CHODL: variants seen among roughly 807,000 people sequenced by gnomAD.
The protein encoded by CHODL is transmembrane protein MT75.
Under a neutral mutation model 34.5 loss-of-function variants are expected in CHODL, and 29 were observed. That is an observed-to-expected ratio of 0.84 (90% CI 0.63 to 1.15). The LOEUF (loss-of-function observed/expected upper bound fraction) is 1.15, where lower values mean the gene tolerates loss of function less well. CHODL is among the 50% of genes most tolerant of loss of function. CHODL has a pLI of 0.00. For missense variants in CHODL, 332 were observed against 332.5 expected (o/e 1.00, Z 0.01); for synonymous variants, 125 against 116.1 (o/e 1.08, Z -0.49).
intron 1 of CHODL, among the ~76,000 whole-genome samples, chr21:17,927,048 ATATATGTG>A (rs2063230246): frequency 1.3e-5 from 2 of 151,216 alleles, no homozygotes; most frequent in Non-Finnish European, 2.9e-5. Context: ...ATATGTATGC[ATATATGTG>A]TATATGTATG....
intron 2 of CHODL, chr21:18,134,238 C>T: frequency 6.3e-6 from 3 of 473,182 alleles, no homozygotes; most frequent in South Asian, 1.5e-5. Flanking sequence ...TCTAGGTGTG[C>T]ATATGCCTCT....
At chr21:18,253,435 C>G (rs892598901) in intron 1 of CHODL, among the ~76,000 whole-genome samples, 1 of 151,790 alleles carries the variant, frequency 6.6e-6, no homozygotes, top group Non-Finnish European at 1.5e-5. Flanking sequence ...AAAAATCGAA[C>G]AAGTTAAAAA....
At chr21:18,118,796 AG>A (rs2065443994) in intron 2 of CHODL, among the ~76,000 whole-genome samples, 1 of 152,164 alleles carries the variant, frequency 6.6e-6, no homozygotes, top group African/African-American at 2.4e-5. Flanking sequence ...CTGTCTTGAA[AG>A]GGCAGTTACC....
intron 2 of CHODL, among the ~76,000 whole-genome samples, chr21:18,118,117 A>G (rs1410417000): frequency 6.6e-6 from 1 of 152,216 alleles, no homozygotes; most frequent in East Asian, 1.9e-4. Context: ...TTTAAAGTAC[A>G]TTTTAATATT....
chr21:18,146,942 G>A (rs2072897966), intron 2 of CHODL, among the ~76,000 whole-genome samples: 1 of 152,156 alleles, frequency 6.6e-6, no homozygotes, highest in African/African-American at 2.4e-5. Context: ...ACTGTGTTGA[G>A]ATCTTGGAAG....
intron 1 of CHODL, among the ~76,000 whole-genome samples, chr21:17,995,470 A>C (rs1023277783): frequency 2.9e-4 from 44 of 152,252 alleles, no homozygotes; most frequent in South Asian, 2.3e-3. Context: ...CTGTGCTTCA[A>C]GCACTCCCTG....
intron 2 of CHODL, among the ~76,000 whole-genome samples, chr21:18,236,556 G>A (rs1226137459): frequency 5.9e-5 from 9 of 151,964 alleles, no homozygotes; most frequent in Non-Finnish European, 1.3e-4. Context: ...AAGGAAGTAC[G>A]GTCATATGGC....
chr21:18,078,196 A>G (rs1247092112), intron 2 of CHODL, among the ~76,000 whole-genome samples: 1 of 152,158 alleles, frequency 6.6e-6, no homozygotes, highest in East Asian at 1.9e-4. Flanking sequence ...TTTATAAAGG[A>G]AAGAGGGTTG....
At chr21:17,944,401 G>C (rs1246932847) in intron 1 of CHODL, among the ~76,000 whole-genome samples, 6 of 152,114 alleles carry the variant, frequency 3.9e-5, no homozygotes, top group African/African-American at 1.2e-4. Context: ...ATTTTTTGGA[G>C]AAATGTAACA....
intron 2 of CHODL, among the ~76,000 whole-genome samples, chr21:18,085,317 G>T (rs1481819959): frequency 6.6e-6 from 1 of 151,882 alleles, no homozygotes; most frequent in Non-Finnish European, 1.5e-5. Flanking sequence ...CTTTGTTTCT[G>T]TCATATTGCT....
chr21:18,148,257 A>T (rs1055909728), intron 2 of CHODL, among the ~76,000 whole-genome samples: 15 of 152,342 alleles, frequency 9.8e-5, no homozygotes, highest in African/African-American at 3.4e-4. Context: ...CTCACAGCAA[A>T]GATAAACCTT....
At chr21:18,164,009 A>G (rs1487227148) in intron 2 of CHODL, among the ~76,000 whole-genome samples, 1 of 152,210 alleles carries the variant, frequency 6.6e-6, no homozygotes, top group Non-Finnish European at 1.5e-5. Context: ...TCTATTGTCT[A>G]TCTTAAAAGA....
At chr21:17,972,860 G>T (rs2063626975) in intron 1 of CHODL, among the ~76,000 whole-genome samples, 1 of 152,084 alleles carries the variant, frequency 6.6e-6, no homozygotes, top group Non-Finnish European at 1.5e-5. Context: ...AAAGAACAAA[G>T]CTGGAGCCAT....
upstream of CHODL, among the ~76,000 whole-genome samples, chr21:18,241,576 A>G (rs2074082733): frequency 6.6e-6 from 1 of 152,144 alleles, no homozygotes; most frequent in African/African-American, 2.4e-5. Flanking sequence ...AAGCCACTGT[A>G]TGGAGTTGCC....
At chr21:18,235,259 T>A (rs949168441) in intron 2 of CHODL, among the ~76,000 whole-genome samples, 4 of 152,084 alleles carry the variant, frequency 2.6e-5, no homozygotes, top group Non-Finnish European at 5.9e-5. Flanking sequence ...AGCAGATGAA[T>A]ATGTAAAAGC....
chr21:18,063,847 G>A (rs1362719027), intron 2 of CHODL, among the ~76,000 whole-genome samples: 1 of 151,844 alleles, frequency 6.6e-6, no homozygotes, highest in African/African-American at 2.4e-5. Context: ...TTCTTTCTCT[G>A]CATCCTTTCT....
At chr21:18,145,366 G>A (rs2072865307) in intron 2 of CHODL, among the ~76,000 whole-genome samples, 1 of 148,304 alleles carries the variant, frequency 6.7e-6, no homozygotes, top group Non-Finnish European at 1.5e-5. Flanking sequence ...GAACCCGGGA[G>A]GCGGAGCTGG....
At chr21:18,201,683 G>A (rs2073653940) in intron 2 of CHODL, among the ~76,000 whole-genome samples, 1 of 151,970 alleles carries the variant, frequency 6.6e-6, no homozygotes, top group South Asian at 2.1e-4. Flanking sequence ...TTCTTTAAAT[G>A]CAGAAAATAT....
chr21:18,047,561 G>A (rs1045022139), intron 2 of CHODL, among the ~76,000 whole-genome samples: 4 of 151,814 alleles, frequency 2.6e-5, no homozygotes, highest in Non-Finnish European at 5.9e-5. Context: ...CAGTTTAGCC[G>A]TTTTCTGATT....
Sources: gnomAD v4.1 joint callset for allele counts (sites outside exome capture counted in the v4.1 genomes callset) on GRCh38, gnomAD v4.1.1 for gene constraint, MANE v1.5 for transcripts, NCBI Gene and HGNC (gene_info 2026-07-23, HGNC 2026-07-21) for gene names.